Variants in ZNG1C observed in about 807,000 individuals in gnomAD.
ZNG1C encodes the protein zinc-regulated GTPase metalloprotein activator 1C.
the ZNG1C span, among the ~76,000 whole-genome samples, chr9:68,256,013 C>G: frequency 6.6e-6 from 1 of 152,186 alleles, no homozygotes; most frequent in Non-Finnish European, 1.5e-5. Context: ...GATCTTGTGG[C>G]CCTTGCTATA....
chr9:68,244,514 C>T, the ZNG1C span, among the ~76,000 whole-genome samples: 1 of 117,050 alleles, frequency 8.5e-6, no homozygotes, highest in African/African-American at 3.6e-5. Flanking sequence ...TTTCAGAAGA[C>T]ATGTATAGCC....
chr9:68,296,886 AAAG>A, the ZNG1C span, among the ~76,000 whole-genome samples: 15 of 151,826 alleles, frequency 9.9e-5, no homozygotes, highest in African/African-American at 3.4e-4. Flanking sequence ...TTATCAAGAT[AAAG>A]AAGAAAAATA....
the ZNG1C span, among the ~76,000 whole-genome samples, chr9:68,282,458 G>GC: frequency 1.8e-4 from 6 of 33,984 alleles, no homozygotes; most frequent in Non-Finnish European, 2.7e-4. Context: ...CTTTCAACTA[G>GC]TTTTTTTTTC....
At chr9:68,266,750 T>A in the ZNG1C span, among the ~76,000 whole-genome samples, 1 of 149,978 alleles carries the variant, frequency 6.7e-6, no homozygotes, top group Non-Finnish European at 1.5e-5. Flanking sequence ...GAGCCTATTC[T>A]GTCTCTCCCC....
the ZNG1C span, among the ~76,000 whole-genome samples, chr9:68,282,734 GACA>G: frequency 3.5e-5 from 2 of 56,612 alleles, no homozygotes; most frequent in South Asian, 9.1e-4. Context: ...ACTTGTCAGT[GACA>G]CAGTTATTCA....
the ZNG1C span, among the ~76,000 whole-genome samples, chr9:68,260,447 C>T: frequency 5.0e-4 from 76 of 151,948 alleles, no homozygotes; most frequent in African/African-American, 1.7e-3. Context: ...TAACCTTCTG[C>T]TACCTTGATA....
chr9:68,284,938 A>G, the ZNG1C span, among the ~76,000 whole-genome samples: 3 of 149,618 alleles, frequency 2.0e-5, no homozygotes, highest in Non-Finnish European at 4.4e-5. Flanking sequence ...AGTTTTAGGC[A>G]GTCATTGTCC....
chr9:68,264,821 T>TTA, the ZNG1C span, among the ~76,000 whole-genome samples: 1,895 of 24,902 alleles, frequency 0.076, 123 homozygotes, highest in East Asian at 0.16. Flanking sequence ...GGATTGAAGA[T>TTA]TATATATATA....
At chr9:68,275,414 T>G in the ZNG1C span, among the ~76,000 whole-genome samples, 318 of 143,154 alleles carry the variant, frequency 2.2e-3, no homozygotes, top group African/African-American at 7.6e-3. Flanking sequence ...CATGCTGGTG[T>G]GCTACACCCA....
the ZNG1C span, among the ~76,000 whole-genome samples, chr9:68,244,665 T>G: frequency 7.8e-6 from 1 of 128,246 alleles, no homozygotes; most frequent in Admixed American, 8.1e-5. Context: ...CTTTTTTTCC[T>G]CTATGAATTT....
chr9:68,249,059 T>C, the ZNG1C span: 1 of 550,480 alleles, frequency 1.8e-6, no homozygotes, highest in South Asian at 2.2e-5. Flanking sequence ...TCATTTTCTT[T>C]GGCAGTTGAA....
chr9:68,275,324 T>TA, the ZNG1C span, among the ~76,000 whole-genome samples: 5 of 129,758 alleles, frequency 3.9e-5, no homozygotes, highest in East Asian at 2.7e-4. Context: ...AGTTTTTTTT[T>TA]AATTTATTTA....
chr9:68,244,662 T>TC, the ZNG1C span, among the ~76,000 whole-genome samples: 1 of 130,134 alleles, frequency 7.7e-6, no homozygotes, highest in African/African-American at 3.1e-5. Flanking sequence ...TTTCTTTTTT[T>TC]CCTCTATGAA....
chr9:68,290,597 T>C, the ZNG1C span, among the ~76,000 whole-genome samples: 1 of 107,676 alleles, frequency 9.3e-6, no homozygotes, highest in African/African-American at 3.9e-5. Context: ...TTAAAATCTT[T>C]AACAATAAAG....
the ZNG1C span, among the ~76,000 whole-genome samples, chr9:68,290,415 C>CA: frequency 5.8e-5 from 3 of 51,800 alleles, 1 homozygote; most frequent in African/African-American, 2.3e-4. Context: ...GCAAAAAATA[C>CA]AAAAAATTAG....
chr9:68,269,548 C>CTTTTTTTTTTTTTTTTTTTTTTTTTT, the ZNG1C span: 1 of 57,052 alleles, frequency 1.8e-5, no homozygotes, highest in African/African-American at 2.6e-4. Flanking sequence ...TTATTAAGCT[C>CTTTTTTTTTTTTTTTTTTTTTTTTTT]ATTTTTTTTT....
chr9:68,296,232 G>A, the ZNG1C span, among the ~76,000 whole-genome samples: 9 of 152,170 alleles, frequency 5.9e-5, no homozygotes, highest in South Asian at 2.1e-4. Flanking sequence ...ACCAAACATC[G>A]CTATGTTCTC....
the ZNG1C span, among the ~76,000 whole-genome samples, chr9:68,291,005 C>T: frequency 1.4e-5 from 2 of 147,914 alleles, no homozygotes; most frequent in South Asian, 2.1e-4. Flanking sequence ...ATACACTGTT[C>T]AGTACAGTAA....
chr9:68,256,133 G>A, the ZNG1C span, among the ~76,000 whole-genome samples: 11 of 152,340 alleles, frequency 7.2e-5, no homozygotes, highest in African/African-American at 2.4e-4. Flanking sequence ...TTAGACGTTG[G>A]AATGAGTTTG....
Sources: allele counts gnomAD v4.1 joint callset (sites outside exome capture counted in the v4.1 genomes callset), GRCh38; gene constraint gnomAD v4.1.1; transcripts MANE v1.5; gene names NCBI Gene and HGNC (gene_info 2026-07-23, HGNC 2026-07-21).